The following LYST variants were observed in gnomAD, a reference collection of about 807,000 sequenced individuals.
LYST encodes lysosomal-trafficking regulator.
A neutral mutation model predicts 413.6 loss-of-function variants in LYST; 192 were observed. That is an observed-to-expected ratio of 0.46 (90% CI 0.41 to 0.52). The LOEUF is 0.52. Among genes scored for constraint, LYST ranks in the 20% least tolerant of loss-of-function variants. The probability of loss-of-function intolerance (pLI) is 0.00; values close to 1 mark genes in which losing one functional copy is unlikely to be tolerated. For missense variants in LYST, 3,815 were observed against 4,499.9 expected (o/e 0.85, Z 4.35); for synonymous variants, 1,525 against 1,567.3 (o/e 0.97, Z 0.64).
chr1:235,770,254 A>C lies in LYST; in HGVS notation c.5828T>G (p.Ile1943Ser). 1 of 1,613,680 alleles carries C rather than the reference A, an allele frequency of 6.2e-7. No homozygotes were observed. Among genetic ancestry groups the C allele is most frequent in the Non-Finnish European group, 8.5e-7 (1 of 1,179,668 alleles). ...ETLLAALEVL[I>S]RADHHQQMFN... ...CATCTGCTGGTGGTGATCTGCTCTG[A>C]TGAGGACTTCTAGAGCTGCTAGCAA... is the stretch of plus-strand genomic sequence containing the variant. Residue 1943 changes from isoleucine to serine, a missense_variant, in exon 20 of 53, where the codon ATC becomes AGC. Coordinates refer to ENST00000389793, the MANE Select transcript of LYST (RefSeq NM_000081.4).
chr1:235,735,403 G>A (rs1333297391), intron 31 of LYST: 1 of 152,082 alleles, frequency 6.6e-6, no homozygotes, highest in Non-Finnish European at 1.5e-5. Context: ...AGTTGTTTTA[G>A]CCAATCTTTT....
intron 1 of LYST, among the ~76,000 whole-genome samples, chr1:235,874,350 C>T (rs1681051672): frequency 6.6e-6 from 1 of 152,176 alleles, no homozygotes; most frequent in Non-Finnish European, 1.5e-5. Flanking sequence ...TCTGGGTCTG[C>T]TTGGACTCCA....
At chr1:235,711,989 T>G in intron 43 of LYST, 68 bp downstream of exon 43, 1 of 1,337,468 alleles carries the variant, frequency 7.5e-7, no homozygotes, top group Middle Eastern at 2.3e-4. Flanking sequence ...GCTATTTTCA[T>G]TTTTGGAAAA....
chr1:235,796,926 G>T (rs1433008792), intron 10 of LYST, among the ~76,000 whole-genome samples: 2 of 152,120 alleles, frequency 1.3e-5, no homozygotes, highest in African/African-American at 4.8e-5. Flanking sequence ...ACCACAATGA[G>T]ATACCACTTC....
Position 235,791,930 on chromosome 1 carries a change from C to G in LYST, c.4312G>C (p.Ala1438Pro). The change falls in exon 12 of 53, where the codon GCT becomes CCT. Residue 1438 changes from alanine to proline, a missense_variant. By Grantham distance (27) the Ala-to-Pro change is conservative (BLOSUM62 -1). Coordinates refer to ENST00000389793, the MANE Select transcript of LYST (RefSeq NM_000081.4). ...CGATGGGGAAAACTCTCTCTATCAG[C>G]CTCTTTCTTGCTCCGTGAAACTCGT... ...RARVSRSKKE[A>P]DRESFPHRLL... 6.2e-7 allele frequency: 1 copy of G among 1,614,154 alleles called. No homozygotes were observed. Among genetic ancestry groups the G allele is most frequent in the Non-Finnish European group, 8.5e-7 (1 of 1,179,992 alleles).
At chr1:235,726,213 A>T (rs1250998516) in intron 38 of LYST, among the ~76,000 whole-genome samples, 1 of 152,100 alleles carries the variant, frequency 6.6e-6, no homozygotes, top group African/African-American at 2.4e-5. Flanking sequence ...AATTGCCAAG[A>T]ACTATTTTAT....
At chr1:235,712,634 C>T in intron 42 of LYST, 1 of 985,154 alleles carries the variant, frequency 1.0e-6, no homozygotes, top group Non-Finnish European at 1.2e-6. Flanking sequence ...AAGCATGATT[C>T]CTTCACTTTG....
In LYST at chr1:235,791,905, C is replaced by T. The variant is rs111722949; in HGVS notation, c.4337G>A (p.Arg1446Gln). The T allele has an allele frequency of 2.8e-4, 444 of 1,614,100 alleles. 1 individual carries two copies. The African/African-American group carries it at 5.0e-3, about 18-fold the overall frequency. Residue 1446 changes from arginine (R) to glutamine (Q), a missense_variant, in exon 12 of 53, where the codon CGG becomes CAG. By Grantham distance (43) the Arg-to-Gln change is conservative. Around this residue, in one of 4 missense-constraint regions of LYST, gnomAD observed 1,648 missense variants for 1,810.3 expected, o/e 0.91. Transcript: ENST00000389793. ...KEADRESFPH[R>Q]LLSSWHIAPV... The stretch of plus-strand genomic sequence containing the variant: ...GGCTATGTGCCAAGATGAAAGCAGC[C>T]GATGGGGAAAACTCTCTCTATCAGC...
At chr1:235,837,115 C>T (rs1030184189) in intron 1 of LYST, among the ~76,000 whole-genome samples, 14 of 152,092 alleles carry the variant, frequency 9.2e-5, no homozygotes, top group Non-Finnish European at 1.8e-4. Context: ...TAATGAACAG[C>T]GAGGACCTAG....
chr1:235,727,288 A>AT (rs1426011885), intron 38 of LYST, among the ~76,000 whole-genome samples: 1 of 151,472 alleles, frequency 6.6e-6, no homozygotes, highest in Non-Finnish European at 1.5e-5. Flanking sequence ...CAACTGGCTA[A>AT]TTTTTTTGTA....
intron 1 of LYST, among the ~76,000 whole-genome samples, chr1:235,844,722 T>G (rs967011542): frequency 1.4e-5 from 2 of 146,908 alleles, no homozygotes; most frequent in Non-Finnish European, 3.0e-5. Flanking sequence ...AACACAGAAC[T>G]ATATGTCTGA....
chr1:235,737,239 T>C (rs1664900414), intron 31 of LYST: 1 of 152,210 alleles, frequency 6.6e-6, no homozygotes, highest in African/African-American at 2.4e-5. Context: ...GATCATCTTA[T>C]TTTGAAAATG....
At chr1:235,771,926 T>G (rs1195591685) in intron 19 of LYST, among the ~76,000 whole-genome samples, 1 of 146,272 alleles carries the variant, frequency 6.8e-6, no homozygotes, top group African/African-American at 2.5e-5. Flanking sequence ...TGTTTTTTTT[T>G]TTTTTTTTTT....
rs756899169 is a variant in LYST, at chr1:235,716,702, C to G, written c.9627+10G>C. 6 of 1,557,212 alleles carry G rather than the reference C, an allele frequency of 3.9e-6. No individual in the cohort carries two copies. The East Asian group carries it at 1.4e-4, about 35-fold the overall frequency. ...TCATTTAATAAAGTACGAGTAAAAACAAAAGCTACCTTGTATGTGTCCACA... is the reference window on the plus strand; with the variant it reads ...TCATTTAATAAAGTACGAGTAAAAAGAAAAGCTACCTTGTATGTGTCCACA... On this transcript the variant is annotated intron_variant, in intron 41 of 52. Coordinates refer to ENST00000389793, the MANE Select transcript of LYST (RefSeq NM_000081.4).
intron 31 of LYST, 28 bp from the exon 32 acceptor site, chr1:235,734,687 C>T: frequency 2.0e-6 from 3 of 1,492,076 alleles, no homozygotes; most frequent in Non-Finnish European, 2.8e-6. Flanking sequence ...ATTTTTTAGT[C>T]ATTTAGAATT....
At chr1:235,771,913 G>GTTTT (rs1187587312) in intron 19 of LYST, among the ~76,000 whole-genome samples, 19 of 95,178 alleles carry the variant, frequency 2.0e-4, no homozygotes, top group Middle Eastern at 6.9e-3. Flanking sequence ...AGGTTTTTTA[G>GTTTT]TTTGTTTTTT....
chr1:235,715,925 A>G (rs1227216703), intron 41 of LYST, among the ~76,000 whole-genome samples: 1 of 151,910 alleles, frequency 6.6e-6, no homozygotes, highest in African/African-American at 2.4e-5. Flanking sequence ...ATCATAAAGT[A>G]GGAAGTTCAA....
chr1:235,863,900 T>C (rs1054764318), intron 1 of LYST, among the ~76,000 whole-genome samples: 1 of 152,200 alleles, frequency 6.6e-6, no homozygotes, highest in Non-Finnish European at 1.5e-5. Context: ...CACTTCCTTG[T>C]AAAATCCAGT....
intron 50 of LYST, among the ~76,000 whole-genome samples, chr1:235,667,979 A>G (rs1254898984): frequency 6.6e-6 from 1 of 152,012 alleles, no homozygotes; most frequent in Non-Finnish European, 1.5e-5. Context: ...TATTCTTTAA[A>G]TCACCTCTAG....
Sources: gnomAD v4.1 joint callset for allele counts (sites outside exome capture counted in the v4.1 genomes callset) on GRCh38, gnomAD v4.1.1 for gene constraint, gnomAD v4.1.1 regional missense constraint, MANE v1.5 for transcripts, NCBI Gene and HGNC (gene_info 2026-07-23, HGNC 2026-07-21) for gene names.